The following SCARB1 variants were observed in gnomAD, a reference collection of about 807,000 sequenced individuals.
SCARB1 encodes the protein CD36 and LIMPII analogous 1.
In SCARB1, 30 loss-of-function variants were observed where a neutral mutation model predicts 57.2. That is an observed-to-expected ratio of 0.52 (90% CI 0.39 to 0.71). SCARB1 has a LOEUF of 0.71. SCARB1 is among the 30% of genes least tolerant of loss of function. The pLI is 0.00. For missense variants in SCARB1, 543 were observed against 671.2 expected, an observed-to-expected ratio of 0.81 and a Z score of 2.11; for synonymous variants, 249 against 268.3, an observed-to-expected ratio of 0.93 and a Z score of 0.70.
chr12:124,857,627 G>A (rs1471515434), intron 1 of SCARB1, among the ~76,000 whole-genome samples: 3 of 152,354 alleles, frequency 2.0e-5, no homozygotes, highest in Admixed American at 2.0e-4. Flanking sequence ...TGCAGTGACA[G>A]TGATGGGAAA....
Position 124,789,069 on chromosome 12 carries a change from C to T in SCARB1, c.1203-1612G>A, listed in dbSNP as rs555386785. Among the ~76,000 whole-genome samples the T allele has an allele frequency of 1.3e-5, 2 of 152,074 alleles. No homozygotes were observed. Among genetic ancestry groups the T allele is most frequent in the Non-Finnish European group, 2.9e-5 (2 of 68,028 alleles). ...ATTACCTGTGAAGTTAAAACTTACA[C>T]GTCAAGTTAAAAAGATAATAAAATC... On this transcript the variant is annotated intron_variant, in intron 9 of 12. Coordinates refer to ENST00000261693, the MANE Select transcript of SCARB1 (RefSeq NM_005505.5). The surrounding 1 kb of genome is among the most constrained non-coding windows in gnomAD (Gnocchi z 4.4).
chr12:124,794,081 T>C (rs1949835818), intron 9 of SCARB1, among the ~76,000 whole-genome samples: 1 of 152,174 alleles, frequency 6.6e-6, no homozygotes, highest in South Asian at 2.1e-4. Flanking sequence ...TTATATGAAA[T>C]GCCCAGAATA....
intron 1 of SCARB1, among the ~76,000 whole-genome samples, chr12:124,853,390 GTT>G (rs757246980): frequency 0.061 from 7,450 of 122,326 alleles, 149 homozygotes; most frequent in East Asian, 0.09. Flanking sequence ...GCATAGTTTT[GTT>G]TTTTTTTTTT....
At chr12:124,848,475 C>G (rs1290717293) in intron 1 of SCARB1, among the ~76,000 whole-genome samples, 1 of 151,908 alleles carries the variant, frequency 6.6e-6, no homozygotes, top group Non-Finnish European at 1.5e-5. Flanking sequence ...AGGTGTGGAT[C>G]CTCGTGGCCT....
At chr12:124,805,420 A>G (rs902265488) in intron 7 of SCARB1, among the ~76,000 whole-genome samples, 1 of 152,176 alleles carries the variant, frequency 6.6e-6, no homozygotes, top group Non-Finnish European at 1.5e-5. Flanking sequence ...GTAGGGAGAA[A>G]TGGAGTCAGA....
At chr12:124,832,295 G>A (rs1212453621) in intron 1 of SCARB1, among the ~76,000 whole-genome samples, 3 of 152,192 alleles carry the variant, frequency 2.0e-5, no homozygotes, top group Non-Finnish European at 1.5e-5. Context: ...CAAGGCAGGT[G>A]GATCACTTGA....
At chr12:124,821,313 C>T (rs1437179357) in intron 1 of SCARB1, 2 of 926,704 alleles carry the variant, frequency 2.2e-6, no homozygotes, top group African/African-American at 3.6e-5. Context: ...TTGCAGCCTC[C>T]CTCTCCCACC....
chr12:124,808,046 C>A, intron 6 of SCARB1, 119 bp from the exon 7 acceptor site: 1 of 946,394 alleles, frequency 1.1e-6, no homozygotes, highest in East Asian at 2.5e-5. Context: ...CTCCCGGGTC[C>A]AAACCGCCCC....
intron 7 of SCARB1, among the ~76,000 whole-genome samples, chr12:124,802,653 T>C (rs1051161373): frequency 1.3e-5 from 2 of 152,124 alleles, no homozygotes; most frequent in Non-Finnish European, 2.9e-5. Flanking sequence ...TCCAATGTTA[T>C]TACCAAGCAC....
At chr12:124,842,247 C>G (rs1210436790) in intron 1 of SCARB1, among the ~76,000 whole-genome samples, 1 of 152,260 alleles carries the variant, frequency 6.6e-6, no homozygotes. Context: ...GCCTCTGGCC[C>G]AGGCAGTCAC....
At position 124,843,338 on chromosome 12, in the gene SCARB1, G is replaced by T. The variant is rs529859702; in HGVS notation, c.126+20257C>A. On this transcript the variant is annotated intron_variant, in intron 1 of 12. Coordinates refer to ENST00000261693, the MANE Select transcript of SCARB1 (RefSeq NM_005505.5). ...TACCCAGGCTGGTCTTGAACTCCTG[G>T]CCTCAGGCGATCCTCCCACCTCTGC... 2.6e-5 allele frequency among the ~76,000 whole-genome samples: 4 copies of T among 151,860 alleles called. No individual in the cohort carries two copies. In the East Asian group the frequency reaches 7.8e-4, roughly 29 times the overall value.
intron 1 of SCARB1, among the ~76,000 whole-genome samples, chr12:124,841,541 A>G (rs1460362218): frequency 6.7e-6 from 1 of 148,944 alleles, no homozygotes; most frequent in African/African-American, 2.5e-5. Flanking sequence ...AGAACCCTCC[A>G]TGGAATTGAA....
chr12:124,838,415 G>A (rs984437450), intron 1 of SCARB1, among the ~76,000 whole-genome samples: 7 of 152,154 alleles, frequency 4.6e-5, no homozygotes, highest in East Asian at 3.8e-4. Context: ...GAGGGCACCC[G>A]GCTATAAACA....
intron 1 of SCARB1, among the ~76,000 whole-genome samples, chr12:124,845,209 G>A (rs1241108263): frequency 2.0e-5 from 3 of 152,132 alleles, no homozygotes; most frequent in Non-Finnish European, 4.4e-5. Flanking sequence ...GCTCCCGGCA[G>A]CCACCAGCCC....
At chr12:124,784,703 A>C (rs556517204) in intron 11 of SCARB1, 3 of 152,518 alleles carry the variant, frequency 2.0e-5, no homozygotes, top group South Asian at 4.1e-4. Flanking sequence ...CTGTGGCCCT[A>C]GGATGATGCA....
chr12:124,813,558 C>T (rs747833357), intron 4 of SCARB1, among the ~76,000 whole-genome samples: 28 of 152,196 alleles, frequency 1.8e-4, no homozygotes, highest in Non-Finnish European at 3.1e-4. Flanking sequence ...CTTTCATTTG[C>T]AAAGCACTTC....
At chr12:124,859,047 T>C (rs1462832114) in intron 1 of SCARB1, among the ~76,000 whole-genome samples, 1 of 152,104 alleles carries the variant, frequency 6.6e-6, no homozygotes, top group Admixed American at 6.6e-5. Flanking sequence ...AGCTTAGTTT[T>C]GTTGTTGTTT....
chr12:124,853,164 A>T (rs998869651), intron 1 of SCARB1, among the ~76,000 whole-genome samples: 1 of 152,172 alleles, frequency 6.6e-6, no homozygotes, highest in Non-Finnish European at 1.5e-5. Context: ...CATAAGAGCC[A>T]GGGAGACAAA....
At chr12:124,803,191 G>A (rs1300462056) in intron 7 of SCARB1, among the ~76,000 whole-genome samples, 4 of 152,356 alleles carry the variant, frequency 2.6e-5, no homozygotes, top group Non-Finnish European at 5.9e-5. Flanking sequence ...ATGTCAGGGC[G>A]GTGGGAGGAC....
Sources: gnomAD v4.1 joint callset for allele counts (sites outside exome capture counted in the v4.1 genomes callset) on GRCh38, gnomAD v4.1.1 for gene constraint, Gnocchi (gnomAD v3.1) non-coding constraint, MANE v1.5 for transcripts, NCBI Gene and HGNC (gene_info 2026-07-23, HGNC 2026-07-21) for gene names.